The following TAFA5 variants were observed in gnomAD, a reference collection of about 807,000 sequenced individuals.
The protein encoded by TAFA5 is TAFA chemokine like family member 5, also known as chemokine-like protein TAFA-5.
TAFA5 carries 6 observed loss-of-function variants against 15.3 expected under a neutral mutation model. The observed-to-expected ratio is 0.39, with a 90% CI of 0.21 to 0.77. The LOEUF is 0.77. Ranked by LOEUF, TAFA5 falls within the 30% of genes least tolerant of loss-of-function variation. The pLI is 0.41. For synonymous variants in TAFA5, 103 were observed against 80.7 expected (o/e 1.28, Z -1.48); for missense variants, 161 against 193.1 (o/e 0.83, Z 0.98).
chr22:48,608,304 C>T (rs1335263551), intron 1 of TAFA5, among the ~76,000 whole-genome samples: 1 of 152,240 alleles, frequency 6.6e-6, no homozygotes, highest in African/African-American at 2.4e-5. Context: ...GCACCGTAGC[C>T]ATCAGCCATA....
intron 2 of TAFA5, among the ~76,000 whole-genome samples, chr22:48,665,068 T>C (rs1323487360): frequency 6.6e-6 from 1 of 152,170 alleles, no homozygotes; most frequent in African/African-American, 2.4e-5. Context: ...GTGTGCGTCA[T>C]GGTCCCTCCA....
intron 1 of TAFA5, among the ~76,000 whole-genome samples, chr22:48,563,081 T>C (rs1923292426): frequency 6.6e-6 from 1 of 152,178 alleles, no homozygotes; most frequent in African/African-American, 2.4e-5. Flanking sequence ...CCTCGGCCCT[T>C]GACCTTCCAC....
chr22:48,570,287 G>C (rs1923539298), intron 1 of TAFA5, among the ~76,000 whole-genome samples: 1 of 152,186 alleles, frequency 6.6e-6, no homozygotes, highest in Admixed American at 6.5e-5. Flanking sequence ...CTTTTCCTCA[G>C]AGTACAAAGC....
At chr22:48,545,475 G>T (rs1922630863) in intron 1 of TAFA5, 1 of 159,994 alleles carries the variant, frequency 6.3e-6, no homozygotes, top group East Asian at 1.8e-4. Flanking sequence ...CTTAATGAAT[G>T]TTTCTGGGTT....
intron 3 of TAFA5, among the ~76,000 whole-genome samples, chr22:48,728,877 T>C (rs1470455193): frequency 3.9e-5 from 6 of 152,230 alleles, no homozygotes; most frequent in African/African-American, 1.4e-4. Context: ...AATTATTTTA[T>C]ATCAGAAAAT....
At chr22:48,523,208 C>T (rs1367841254) in intron 1 of TAFA5, among the ~76,000 whole-genome samples, 3 of 152,240 alleles carry the variant, frequency 2.0e-5, no homozygotes, top group African/African-American at 7.2e-5. Flanking sequence ...GAGGCGGGCT[C>T]GGCTTGGTGG....
intron 3 of TAFA5, among the ~76,000 whole-genome samples, chr22:48,741,706 C>T (rs769381243): frequency 1.3e-5 from 2 of 151,936 alleles, no homozygotes; most frequent in African/African-American, 2.4e-5. Flanking sequence ...GCCATCTGCA[C>T]GCCGAGGAGA....
Position 48,671,098 on chromosome 22 carries a change from C to T in TAFA5, c.262+24352C>T, listed in dbSNP as rs927984118. On this transcript the variant is annotated intron_variant, in intron 2 of 3. Coordinates refer to ENST00000402357, the MANE Select transcript of TAFA5 (RefSeq NM_001082967.3). ...GAATAGACTGTGCCGTATGCTCACA[C>T]TCTTAAATCATGCCTTGGATGTTCA... Among the ~76,000 whole-genome samples the T allele has an allele frequency of 1.3e-4, 20 of 152,172 alleles. 1 individual carries two copies. The highest frequency in any genetic ancestry group is 1.2e-3 in the Admixed American group (18 of 15,272).
At chr22:48,647,781 TG>T (rs1384903635) in intron 2 of TAFA5, among the ~76,000 whole-genome samples, 1 of 152,092 alleles carries the variant, frequency 6.6e-6, no homozygotes, top group East Asian at 1.9e-4. Flanking sequence ...GCAGGGGTAT[TG>T]GATGCCTTGG....
chr22:48,581,288 G>A (rs1924028847), intron 1 of TAFA5, among the ~76,000 whole-genome samples: 1 of 151,978 alleles, frequency 6.6e-6, no homozygotes, highest in Non-Finnish European at 1.5e-5. Context: ...CCCTGCAAGG[G>A]CCGAGCCAGT....
At position 48,742,292 on chromosome 22, in the gene TAFA5, G is replaced by A. The variant is rs925368016; in HGVS notation, c.391-7547G>A. ...GGTGCACGGGGCCCCTGCCAGGTTC[G>A]GGAAAAGAACTGACCCCCACGAGGA... is the stretch of plus-strand genomic sequence containing the variant. On this transcript the variant is annotated intron_variant, in intron 3 of 3. Transcript: ENST00000402357. The surrounding 1 kb of genome is among the most constrained non-coding windows in gnomAD (Gnocchi z 6.2). Among the ~76,000 whole-genome samples the A allele has an allele frequency of 1.1e-4, 16 of 152,264 alleles. No individual in the cohort carries two copies. The highest frequency in any genetic ancestry group is 9.8e-4 in the Admixed American group (15 of 15,294).
chr22:48,574,124 A>G (rs541770736), intron 1 of TAFA5, among the ~76,000 whole-genome samples: 1 of 152,256 alleles, frequency 6.6e-6, no homozygotes, highest in East Asian at 1.9e-4. Context: ...TGGGGTGCTT[A>G]TAGGAAATGG....
intron 3 of TAFA5, among the ~76,000 whole-genome samples, chr22:48,743,067 G>A (rs1198895584): frequency 1.3e-5 from 2 of 152,184 alleles, no homozygotes; most frequent in Non-Finnish European, 2.9e-5. Flanking sequence ...GGGAGCCGCT[G>A]GAACAAAATG....
At chr22:48,647,544 C>A (rs1031175672) in intron 2 of TAFA5, among the ~76,000 whole-genome samples, 1 of 152,122 alleles carries the variant, frequency 6.6e-6, no homozygotes, top group African/African-American at 2.4e-5. Context: ...ACCCCACAGC[C>A]GGGACCTCCC....
chr22:48,722,130 A>G (rs130180), intron 3 of TAFA5, among the ~76,000 whole-genome samples: 105,714 of 152,096 alleles, frequency 0.7, 37,860 homozygotes, highest in African/African-American at 0.77. Flanking sequence ...CTTCCACAAT[A>G]GTTGAACTAA....
At chr22:48,735,984 G>C (rs111295607) in intron 3 of TAFA5, among the ~76,000 whole-genome samples, 2 of 26,610 alleles carry the variant, frequency 7.5e-5, no homozygotes, top group Admixed American at 1.1e-3. Flanking sequence ...AATGAGAATC[G>C]CACTCCTGGA....
chr22:48,575,555 G>A (rs922951671), intron 1 of TAFA5, among the ~76,000 whole-genome samples: 1 of 146,018 alleles, frequency 6.8e-6, no homozygotes, highest in Non-Finnish European at 1.5e-5. Context: ...CCCGCGGGCG[G>A]CGAGGCGCGC....
chr22:48,681,619 C>A (rs542233166), intron 2 of TAFA5, among the ~76,000 whole-genome samples: 1 of 147,338 alleles, frequency 6.8e-6, no homozygotes, highest in African/African-American at 2.5e-5. Flanking sequence ...CCACTGCACT[C>A]CAGCCTGGGT....
intron 2 of TAFA5, among the ~76,000 whole-genome samples, chr22:48,685,930 C>T (rs963049038): frequency 2.0e-5 from 3 of 151,778 alleles, no homozygotes; most frequent in African/African-American, 4.8e-5. Context: ...ACGTGCGCCC[C>T]GGGAGTACAC....
Sources: allele counts gnomAD v4.1 joint callset (sites outside exome capture counted in the v4.1 genomes callset), GRCh38; gene constraint gnomAD v4.1.1; non-coding constraint Gnocchi (gnomAD v3.1); transcripts MANE v1.5; gene names NCBI Gene and HGNC (gene_info 2026-07-23, HGNC 2026-07-21).